The following ADGRL3 variants were observed in gnomAD, a reference collection of about 807,000 sequenced individuals.
ADGRL3 encodes the protein adhesion G protein-coupled receptor L3.
ADGRL3 carries 62 observed loss-of-function variants against 153.5 expected under a neutral mutation model. The observed-to-expected ratio is 0.40, with a 90% CI of 0.33 to 0.50. The LOEUF (loss-of-function observed/expected upper bound fraction) is 0.50, where lower values mean the gene tolerates loss of function less well. Ranked by LOEUF, ADGRL3 falls within the 20% of genes least tolerant of loss-of-function variation. The pLI is 0.47. For missense variants in ADGRL3, 1,641 were observed against 1,859.4 expected (o/e 0.88, Z 2.16); for synonymous variants, 710 against 672.5 (o/e 1.06, Z -0.86).
intron 4 of ADGRL3, among the ~76,000 whole-genome samples, chr4:61,557,827 T>C (rs1427647377): frequency 2.0e-5 from 3 of 151,854 alleles, no homozygotes; most frequent in African/African-American, 7.3e-5. Flanking sequence ...GTTTTGTTTG[T>C]TTGTTTGTTT....
chr4:61,528,591 G>T (rs956753394), intron 4 of ADGRL3, among the ~76,000 whole-genome samples: 3 of 152,070 alleles, frequency 2.0e-5, no homozygotes, highest in Admixed American at 6.6e-5. Flanking sequence ...GTAAGCTCTA[G>T]TAGAAGCTAG....
intron 21 of ADGRL3, among the ~76,000 whole-genome samples, chr4:62,000,601 C>T (rs1039373530): frequency 1.1e-4 from 16 of 152,034 alleles, no homozygotes; most frequent in African/African-American, 3.6e-4. Context: ...AGTATTTAAT[C>T]TTTCTGTGGC....
chr4:61,839,750 A>T (rs1373469485), intron 9 of ADGRL3, among the ~76,000 whole-genome samples: 1 of 151,848 alleles, frequency 6.6e-6, no homozygotes, highest in African/African-American at 2.4e-5. Flanking sequence ...CATGGTCAAC[A>T]TAGTGAGACC....
intron 8 of ADGRL3, among the ~76,000 whole-genome samples, chr4:61,796,346 C>T (rs577280726): frequency 2.0e-5 from 3 of 152,048 alleles, no homozygotes; most frequent in Non-Finnish European, 2.9e-5. Flanking sequence ...TCCACCCCAG[C>T]GTATCTGTTG....
intron 2 of ADGRL3, among the ~76,000 whole-genome samples, chr4:61,492,200 A>G (rs2098266342): frequency 6.6e-6 from 1 of 152,196 alleles, no homozygotes; most frequent in African/African-American, 2.4e-5. Context: ...AAAGTATATG[A>G]CAAATATGAG....
At chr4:61,383,792 T>G (rs1046142001) in intron 2 of ADGRL3, among the ~76,000 whole-genome samples, 17 of 151,856 alleles carry the variant, frequency 1.1e-4, no homozygotes, top group African/African-American at 4.1e-4. Context: ...AGTGTAACTT[T>G]AAGTCAATAT....
intron 17 of ADGRL3, among the ~76,000 whole-genome samples, chr4:61,974,013 G>A (rs2099038959): frequency 6.6e-6 from 1 of 152,112 alleles, no homozygotes; most frequent in Non-Finnish European, 1.5e-5. Flanking sequence ...TGTCACCCAG[G>A]TTGGAGTGCA....
intron 2 of ADGRL3, among the ~76,000 whole-genome samples, chr4:61,408,437 C>T (rs1448272282): frequency 6.6e-6 from 1 of 150,680 alleles, no homozygotes; most frequent in Non-Finnish European, 1.5e-5. Flanking sequence ...TCCTGCTCTG[C>T]TCCCTTTTAA....
At chr4:61,953,155 A>G (rs2098953886) in intron 17 of ADGRL3, among the ~76,000 whole-genome samples, 1 of 152,252 alleles carries the variant, frequency 6.6e-6, no homozygotes, top group South Asian at 2.1e-4. Flanking sequence ...TTCAAACAGA[A>G]CATTAATTTA....
chr4:61,732,721 AT>A (rs2096461812), intron 7 of ADGRL3, 32 bp from the exon 8 acceptor site: 3 of 1,197,490 alleles, frequency 2.5e-6, no homozygotes, highest in African/African-American at 3.1e-5. Flanking sequence ...AAATTAATAT[AT>A]TTATTTATTT....
At chr4:61,341,520 A>G (rs1270307017) in intron 1 of ADGRL3, among the ~76,000 whole-genome samples, 1 of 151,156 alleles carries the variant, frequency 6.6e-6, no homozygotes, top group Non-Finnish European at 1.5e-5. Flanking sequence ...ATATATATAT[A>G]TTTATTATAT....
At chr4:61,747,579 G>T (rs1260228699) in intron 8 of ADGRL3, among the ~76,000 whole-genome samples, 4 of 145,366 alleles carry the variant, frequency 2.8e-5, no homozygotes, top group Non-Finnish European at 4.5e-5. Flanking sequence ...ATGTAATCCA[G>T]CATATAAACA....
At chr4:61,934,815 T>G (rs780081014) in intron 13 of ADGRL3, 25 bp from the exon 14 acceptor site, 1 of 1,600,336 alleles carries the variant, frequency 6.2e-7, no homozygotes, top group South Asian at 1.1e-5. Context: ...TAGAGACCTC[T>G]GTCATTCTTT....
chr4:61,207,620 CG>C (rs1370540094), intron 1 of ADGRL3, among the ~76,000 whole-genome samples: 1 of 152,116 alleles, frequency 6.6e-6, no homozygotes, highest in Admixed American at 6.6e-5. Flanking sequence ...TGAGGAATCA[CG>C]ACACCATCTT....
intron 17 of ADGRL3, among the ~76,000 whole-genome samples, chr4:61,976,621 C>T (rs1160838207): frequency 2.6e-5 from 4 of 152,198 alleles, no homozygotes; most frequent in Non-Finnish European, 4.4e-5. Flanking sequence ...ATAATGGGAG[C>T]GGTTCCCCCA....
chr4:61,642,720 G>T (rs1487215025), intron 5 of ADGRL3, among the ~76,000 whole-genome samples: 5 of 152,154 alleles, frequency 3.3e-5, no homozygotes, highest in African/African-American at 1.2e-4. Flanking sequence ...GTCAGGTAGT[G>T]TGATGCCTCC....
chr4:61,971,261 C>T (rs188581557), intron 17 of ADGRL3, among the ~76,000 whole-genome samples: 1 of 151,840 alleles, frequency 6.6e-6, no homozygotes, highest in Admixed American at 6.6e-5. Context: ...CACCCATTAA[C>T]TCGTCATTTA....
intron 2 of ADGRL3, among the ~76,000 whole-genome samples, chr4:61,386,994 A>G (rs1042803081): frequency 1.2e-4 from 18 of 152,182 alleles, no homozygotes; most frequent in Admixed American, 3.3e-4. Flanking sequence ...TAGAACGTAT[A>G]TAGGGGGACC....
chr4:61,555,797 C>A (rs955920210), intron 4 of ADGRL3, among the ~76,000 whole-genome samples: 2 of 152,154 alleles, frequency 1.3e-5, no homozygotes, highest in African/African-American at 4.8e-5. Context: ...TTATTCATGC[C>A]TCCCCTTTTT....
Sources: allele counts gnomAD v4.1 joint callset (sites outside exome capture counted in the v4.1 genomes callset), GRCh38; gene constraint gnomAD v4.1.1; transcripts MANE v1.5; gene names NCBI Gene and HGNC (gene_info 2026-07-23, HGNC 2026-07-21).